Variants in DCAF8L2 observed in about 807,000 individuals in gnomAD.
DCAF8L2 encodes the protein DDB1- and CUL4-associated factor 8-like protein 2.
For missense variants in DCAF8L2, 430 were observed against 490.7 expected (o/e 0.88, Z 1.17); for synonymous variants, 200 against 190.9 (o/e 1.05, Z -0.39).
At chrX:27,624,447 C>T (rs1038821592) in intron 1 of DCAF8L2, among the ~76,000 whole-genome samples, 3 of 109,852 alleles carry the variant, frequency 2.7e-5, no homozygotes, top group African/African-American at 6.6e-5. Flanking sequence ...AGCAATTTAC[C>T]GAGTAAATGC....
the DCAF8L2 span, among the ~76,000 whole-genome samples, chrX:27,533,158 GAGAGAGAGAAAGAA>G: frequency 9.8e-5 from 2 of 20,497 alleles, no homozygotes; most frequent in African/African-American, 3.1e-4. Flanking sequence ...GAGAGAGAGA[GAGAGAGAGAAAGAA>G]AGAAAGAAAG....
At chrX:27,678,370 A>G (rs761486007) in intron 3 of DCAF8L2, among the ~76,000 whole-genome samples, 32 of 111,872 alleles carry the variant, frequency 2.9e-4, no homozygotes, top group African/African-American at 8.4e-4. Context: ...ACTCAAGCAT[A>G]TAATTGTATA....
At chrX:27,663,332 A>C (rs1320539491) in intron 2 of DCAF8L2, among the ~76,000 whole-genome samples, 2 of 112,342 alleles carry the variant, frequency 1.8e-5, no homozygotes, top group Non-Finnish European at 3.8e-5. Context: ...TATATTTTTT[A>C]CAAATTGAAG....
the DCAF8L2 span, among the ~76,000 whole-genome samples, chrX:27,546,641 CT>C: frequency 8.9e-6 from 1 of 112,483 alleles, no homozygotes; most frequent in Non-Finnish European, 1.9e-5. Flanking sequence ...CGATTCTTGA[CT>C]TTTGTGCACC....
chrX:27,714,746 T>C (rs1383422001), intron 3 of DCAF8L2, among the ~76,000 whole-genome samples: 1 of 111,420 alleles, frequency 9.0e-6, no homozygotes, highest in African/African-American at 3.3e-5. Context: ...CTTTCTAGCC[T>C]CCCCATTTTC....
intron 4 of DCAF8L2, among the ~76,000 whole-genome samples, chrX:27,740,020 C>T (rs1244575059): frequency 9.0e-6 from 1 of 111,288 alleles, no homozygotes; most frequent in Non-Finnish European, 1.9e-5. Flanking sequence ...CTCCCCTTTT[C>T]GTCTCAGGTT....
rs111533677 is a variant in DCAF8L2 at position 27,671,360 on chromosome X, C to A, written c.-219-6476C>A. Among the ~76,000 whole-genome samples, 1,012 of 111,996 alleles carry A rather than the reference C, an allele frequency of 9.0e-3. 4 individuals carry two copies. The highest frequency in any genetic ancestry group is 0.03 in the African/African-American group (917 of 30,823). On this transcript the variant is annotated intron_variant, in intron 2 of 4. Transcript: ENST00000451261. ...TGCCTCAAATAACTGCTATATACTTCTCATTTAATTTACTAAATCCTTAAG... is the reference window on the plus strand; with the variant it reads ...TGCCTCAAATAACTGCTATATACTTATCATTTAATTTACTAAATCCTTAAG...
At chrX:27,526,454 T>C in the DCAF8L2 span, among the ~76,000 whole-genome samples, 4 of 112,349 alleles carry the variant, frequency 3.6e-5, no homozygotes, top group African/African-American at 1.3e-4. Flanking sequence ...TTTTAGCTTC[T>C]TTGTGATGGG....
the DCAF8L2 span, among the ~76,000 whole-genome samples, chrX:27,492,628 C>T: frequency 2.0e-5 from 2 of 101,451 alleles, no homozygotes; most frequent in African/African-American, 3.4e-5. Flanking sequence ...TACAGGCATG[C>T]GCCACCATGC....
At chrX:27,701,527 C>T (rs1402198255) in intron 3 of DCAF8L2, among the ~76,000 whole-genome samples, 1 of 109,765 alleles carries the variant, frequency 9.1e-6, no homozygotes. Context: ...TGATCTCTTA[C>T]TAAAAAAGAA....
At chrX:27,690,267 G>A (rs938851102) in intron 3 of DCAF8L2, among the ~76,000 whole-genome samples, 2 of 111,451 alleles carry the variant, frequency 1.8e-5, no homozygotes, top group Non-Finnish European at 3.8e-5. Flanking sequence ...TGCAATTAAT[G>A]AGCAATAGTA....
chrX:27,575,464 T>C, the DCAF8L2 span, among the ~76,000 whole-genome samples: 1 of 111,213 alleles, frequency 9.0e-6, no homozygotes, highest in Non-Finnish European at 1.9e-5. Flanking sequence ...CCAGGGACTA[T>C]GCCTTCCTCT....
intron 1 of DCAF8L2, among the ~76,000 whole-genome samples, chrX:27,616,856 T>C (rs1042656606): frequency 2.7e-5 from 3 of 111,418 alleles, no homozygotes. Context: ...GAAGAAAATA[T>C]TGGGGGCAAG....
intron 1 of DCAF8L2, among the ~76,000 whole-genome samples, chrX:27,615,771 A>G (rs1351915807): frequency 4.5e-5 from 5 of 111,503 alleles, no homozygotes; most frequent in African/African-American, 1.6e-4. Flanking sequence ...TAAAATACTA[A>G]GTTCCTAATC....
intron 1 of DCAF8L2, among the ~76,000 whole-genome samples, chrX:27,630,828 C>T (rs747506166): frequency 8.9e-6 from 1 of 111,994 alleles, no homozygotes; most frequent in Non-Finnish European, 1.9e-5. Flanking sequence ...CTGGTGAGGC[C>T]CCGTTTCCCA....
chrX:27,518,707 C>T, the DCAF8L2 span: 1 of 183,201 alleles, frequency 5.5e-6, no homozygotes, highest in Non-Finnish European at 1.0e-5. Flanking sequence ...CCACTGCACT[C>T]CAGCCTGGGT....
At chrX:27,707,920 G>T (rs1439119912) in intron 3 of DCAF8L2, among the ~76,000 whole-genome samples, 2 of 111,409 alleles carry the variant, frequency 1.8e-5, no homozygotes, top group Non-Finnish European at 3.8e-5. Flanking sequence ...TATTAGAGGT[G>T]CTTTTCTTTC....
chrX:27,641,660 C>T (rs1438770563), intron 2 of DCAF8L2, among the ~76,000 whole-genome samples: 3 of 108,654 alleles, frequency 2.8e-5, no homozygotes, highest in Admixed American at 9.9e-5. Flanking sequence ...TTAGTAGAGA[C>T]GGGGTTTCAC....
chrX:27,731,281 C>T (rs762092094), intron 4 of DCAF8L2, among the ~76,000 whole-genome samples: 2 of 110,683 alleles, frequency 1.8e-5, no homozygotes, highest in South Asian at 7.7e-4. Context: ...CGTGGTGGCA[C>T]GTGCCAGCAA....
Sources: allele counts gnomAD v4.1 joint callset (sites outside exome capture counted in the v4.1 genomes callset), GRCh38; gene constraint gnomAD v4.1.1; transcripts MANE v1.5; gene names NCBI Gene and HGNC (gene_info 2026-07-23, HGNC 2026-07-21).